RALGAPB: variants seen among roughly 807,000 people sequenced by gnomAD.
RALGAPB encodes ral GTPase-activating protein subunit beta.
Under a neutral mutation model 161.1 loss-of-function variants are expected in RALGAPB, and 25 were observed. The observed-to-expected ratio is 0.16, with a 90% confidence interval of 0.11 to 0.22. The LOEUF is 0.22. Among genes scored for constraint, RALGAPB ranks in the 10% least tolerant of loss-of-function variants. The pLI, the probability that RALGAPB is intolerant of heterozygous loss-of-function variation, is 1.00. For missense variants in RALGAPB, 1,391 were observed against 1,815.2 expected (o/e 0.77, Z 4.25); for synonymous variants, 629 against 626.1 (o/e 1.00, Z -0.07).
chr20:38,509,848 T>G (rs1053437129), intron 6 of RALGAPB, among the ~76,000 whole-genome samples: 5 of 152,242 alleles, frequency 3.3e-5, no homozygotes, highest in Non-Finnish European at 5.9e-5. Context: ...TTTTCTATTT[T>G]GTGTATCAGT....
At chr20:38,552,550 A>G (rs2087414322) in intron 21 of RALGAPB, among the ~76,000 whole-genome samples, 1 of 152,190 alleles carries the variant, frequency 6.6e-6, no homozygotes, top group Non-Finnish European at 1.5e-5. Context: ...TCTGGCTAAC[A>G]CTGTAAGATG....
intron 7 of RALGAPB, 40 bp from the exon 8 acceptor site, chr20:38,517,466 T>C: frequency 1.3e-6 from 2 of 1,519,312 alleles, no homozygotes; most frequent in Non-Finnish European, 1.8e-6. Flanking sequence ...TATTTTGACC[T>C]ATGAAGAATA....
chr20:38,526,727 TATATC>T (rs2086483620), intron 13 of RALGAPB, among the ~76,000 whole-genome samples: 2 of 152,132 alleles, frequency 1.3e-5, no homozygotes, highest in African/African-American at 2.4e-5. Context: ...TTTTTCAAAA[TATATC>T]ATAAGGTATT....
At chr20:38,528,712 G>C (rs1402445957) in intron 13 of RALGAPB, among the ~76,000 whole-genome samples, 2 of 151,310 alleles carry the variant, frequency 1.3e-5, no homozygotes, top group Non-Finnish European at 2.9e-5. Flanking sequence ...ATGGAGTCTC[G>C]CTGTGTCACC....
At chr20:38,503,840 C>T (rs1316379847) in intron 5 of RALGAPB, among the ~76,000 whole-genome samples, 1 of 152,144 alleles carries the variant, frequency 6.6e-6, no homozygotes, top group African/African-American at 2.4e-5. Context: ...ACTGCCACAG[C>T]CACCCCAACC....
chr20:38,479,488 A>G (rs906995161), intron 1 of RALGAPB, among the ~76,000 whole-genome samples: 1 of 152,208 alleles, frequency 6.6e-6, no homozygotes, highest in Non-Finnish European at 1.5e-5. Flanking sequence ...ATTTAGACCA[A>G]ACTTGCATGT....
intron 5 of RALGAPB, among the ~76,000 whole-genome samples, chr20:38,502,019 A>G (rs765258760): frequency 3.9e-5 from 6 of 152,190 alleles, no homozygotes; most frequent in African/African-American, 7.2e-5. Context: ...ATGCTTATAG[A>G]CTATATACAT....
intron 16 of RALGAPB, 56 bp from the exon 17 acceptor site, chr20:38,539,720 A>C: frequency 6.4e-7 from 1 of 1,559,186 alleles, no homozygotes; most frequent in East Asian, 2.3e-5. Flanking sequence ...AATGCTTTGA[A>C]ATTGGTACAG....
In RALGAPB at chr20:38,535,083, C is replaced by A. The variant is rs964533135; in HGVS notation, c.2255C>A (p.Thr752Lys). The A allele has an allele frequency of 1.2e-6, 2 of 1,613,880 alleles. No individual in the cohort carries two copies. The highest frequency in any genetic ancestry group is 2.7e-5 in the African/African-American group (2 of 74,938). The change falls in exon 16 of 30, where the codon ACA (threonine) becomes AAA (lysine). Residue 752 changes from threonine to lysine, a missense_variant. Coordinates refer to ENST00000262879, the MANE Select transcript of RALGAPB (RefSeq NM_020336.4). ...TGGGGTTATATCCTAGCTCTTAATA[C>A]AGATTCAGCTGCTGGGCTCCTGATT... ...QALLRDYALNTDSAAGLLIRS... is the reference protein window; with the variant it reads ...QALLRDYALNKDSAAGLLIRS...
intron 6 of RALGAPB, among the ~76,000 whole-genome samples, chr20:38,514,542 G>A (rs918715055): frequency 3.9e-5 from 6 of 152,208 alleles, no homozygotes; most frequent in Non-Finnish European, 8.8e-5. Context: ...CTGGGTAGAA[G>A]GCAGGTCATG....
At chr20:38,485,517 G>A (rs989469158) in intron 1 of RALGAPB, among the ~76,000 whole-genome samples, 6 of 151,750 alleles carry the variant, frequency 4.0e-5, no homozygotes, top group Admixed American at 3.3e-4. Context: ...AACCTCTGCC[G>A]CCTGGGTTCA....
chr20:38,535,217 A>G lies in RALGAPB; in HGVS notation c.2379+10A>G, dbSNP rs915527818. ...CTCTGGCCTTGCAAAGGTGAGGAAG[A>G]CAGTCCTTTTATTTTAACCCAACAG... On this transcript the variant is annotated intron_variant, in intron 16 of 29. Coordinates refer to ENST00000262879, the MANE Select transcript of RALGAPB (RefSeq NM_020336.4). The G allele has an allele frequency of 5.0e-6, 8 of 1,613,792 alleles. No individual in the cohort carries two copies. The African/African-American group carries it at 1.1e-4, about 22-fold the overall frequency.
At chr20:38,533,005 GAAAA>G (rs1270996801) in intron 15 of RALGAPB, 146 bp downstream of exon 15, 1 of 964,144 alleles carries the variant, frequency 1.0e-6, no homozygotes, top group African/African-American at 1.6e-5. Context: ...AAGAAGCTAA[GAAAA>G]AACAAATCTT....
intron 27 of RALGAPB, among the ~76,000 whole-genome samples, chr20:38,570,408 C>T (rs919929315): frequency 4.6e-5 from 7 of 152,152 alleles, no homozygotes; most frequent in African/African-American, 1.7e-4. Context: ...AAGAGTTGCA[C>T]TCTGGGTAAG....
chr20:38,514,930 T>A (rs1285283737), intron 6 of RALGAPB, among the ~76,000 whole-genome samples: 3 of 152,256 alleles, frequency 2.0e-5, no homozygotes, highest in Admixed American at 6.5e-5. Context: ...CTTACTTTCT[T>A]GAGTCTGTTC....
intron 28 of RALGAPB, 138 bp downstream of exon 28, chr20:38,570,985 T>G (rs1434811092): frequency 3.2e-6 from 2 of 621,138 alleles, no homozygotes; most frequent in Non-Finnish European, 5.5e-6. Flanking sequence ...GAAAGAAGTT[T>G]GTATACAATG....
Position 38,548,722 on chromosome 20 carries a change from G to A in RALGAPB, c.2936G>A (p.Arg979Gln). The change falls in exon 20 of 30, where the codon CGG becomes CAG. Residue 979 changes from arginine (R) to glutamine (Q), a missense_variant. Arg to Gln is a conservative substitution (Grantham distance 43). This residue lies in a region of RALGAPB where 946 missense variants were observed against 1,257.2 expected (regional missense o/e 0.75). Coordinates refer to ENST00000262879, the MANE Select transcript of RALGAPB (RefSeq NM_020336.4). ...DFFPSVTVLV[R>Q]GMSGRLAWAQ... ...TTCCCCTCTGTCACTGTGCTGGTCC[G>A]GGGAATGTCTGGAAGACTTGCTTGG... 2.5e-6 allele frequency: 4 copies of A among 1,613,858 alleles called. No individual in the cohort carries two copies. The highest frequency in any genetic ancestry group is 3.4e-6 in the Non-Finnish European group (4 of 1,179,816).
At chr20:38,550,570 G>A (rs144376486) in intron 20 of RALGAPB, among the ~76,000 whole-genome samples, 1 of 152,292 alleles carries the variant, frequency 6.6e-6, no homozygotes, top group East Asian at 1.9e-4. Context: ...GGTTCACCAT[G>A]TACCCATATA....
At chr20:38,509,902 T>G (rs2085883121) in intron 6 of RALGAPB, among the ~76,000 whole-genome samples, 2 of 152,196 alleles carry the variant, frequency 1.3e-5, no homozygotes. Flanking sequence ...GTTAGGTATG[T>G]TAATCTTTTT....
Sources: allele counts gnomAD v4.1 joint callset (sites outside exome capture counted in the v4.1 genomes callset), GRCh38; gene constraint gnomAD v4.1.1; regional missense constraint gnomAD v4.1.1; transcripts MANE v1.5; gene names NCBI Gene and HGNC (gene_info 2026-07-23, HGNC 2026-07-21).